Variants in NCAM1 observed in about 807,000 individuals in gnomAD.
NCAM1 encodes the protein neural cell adhesion molecule 1, also known as antigen recognized by monoclonal antibody 5.1H11.
A neutral mutation model predicts 109.8 loss-of-function variants in NCAM1; 14 were observed. That is an observed-to-expected ratio of 0.13 (90% CI 0.08 to 0.20). The LOEUF is 0.20. Ranked by LOEUF, NCAM1 falls within the 10% of genes least tolerant of loss-of-function variation. NCAM1 has a pLI of 1.00. For missense variants in NCAM1, 774 were observed against 1,109.9 expected (o/e 0.70, Z 4.30); for synonymous variants, 418 against 442.9 (o/e 0.94, Z 0.70).
chr11:113,004,832 T>A (rs1468962813), intron 1 of NCAM1, among the ~76,000 whole-genome samples: 1 of 151,782 alleles, frequency 6.6e-6, no homozygotes, highest in Non-Finnish European at 1.5e-5. Flanking sequence ...GATTTTTTTT[T>A]TTCTGTCTCT....
rs782410994 is a variant in NCAM1, at chr11:113,275,369, G to A, written c.2559G>A (p.Glu853=). The A allele has an allele frequency of 5.6e-5, 90 of 1,612,962 alleles. No homozygotes were observed. The Middle Eastern group carries it at 8.2e-4, about 15-fold the overall frequency. ...TVPNDATQTK[E]NESKA ...CCAATGACGCCACACAGACAAAGGA[G>A]AACGAGAGCAAAGCATGATGGGTGA... The change falls in exon 20 of 20, where the codon GAG becomes GAA. Residue 853 remains glutamate, a synonymous_variant. Coordinates refer to ENST00000316851, the MANE Select transcript of NCAM1 (RefSeq NM_181351.5).
At chr11:113,249,465 C>T (rs1945595578) in intron 15 of NCAM1, among the ~76,000 whole-genome samples, 1 of 150,778 alleles carries the variant, frequency 6.6e-6, no homozygotes, top group African/African-American at 2.5e-5. Flanking sequence ...CTGCTGCTGG[C>T]CTTGGAAACT....
chr11:113,191,767 GTGTGTGTA>G (rs1565489500), intron 1 of NCAM1, among the ~76,000 whole-genome samples: 3 of 110,968 alleles, frequency 2.7e-5, no homozygotes, highest in Admixed American at 1.2e-4. Context: ...GTGTGTGTGT[GTGTGTGTA>G]TATATATATA....
chr11:113,153,342 C>A (rs1301203521), intron 1 of NCAM1, among the ~76,000 whole-genome samples: 1 of 151,908 alleles, frequency 6.6e-6, no homozygotes, highest in South Asian at 2.1e-4. Context: ...CGGTCAGCAG[C>A]AATGTCTGTG....
intron 1 of NCAM1, among the ~76,000 whole-genome samples, chr11:112,971,252 GTCTC>G (rs145671050): frequency 6.0e-5 from 9 of 148,936 alleles, no homozygotes; most frequent in African/African-American, 9.8e-5. Context: ...CTCTGTCTCT[GTCTC>G]TCTCTCTCTC....
chr11:113,225,357 T>C (rs905437851), intron 9 of NCAM1, among the ~76,000 whole-genome samples: 4 of 151,910 alleles, frequency 2.6e-5, no homozygotes, highest in Non-Finnish European at 5.9e-5. Flanking sequence ...ATGAATGAAA[T>C]GAAGTGAGAA....
chr11:113,225,217 C>G (rs1391404269), intron 9 of NCAM1, among the ~76,000 whole-genome samples: 1 of 152,124 alleles, frequency 6.6e-6, no homozygotes, highest in Non-Finnish European at 1.5e-5. Flanking sequence ...ACTAGAATAA[C>G]TAATACACAG....
At chr11:112,981,606 CTT>C (rs1951156381) in intron 1 of NCAM1, among the ~76,000 whole-genome samples, 2 of 151,894 alleles carry the variant, frequency 1.3e-5, no homozygotes, top group African/African-American at 4.8e-5. Flanking sequence ...TACTAGTGGT[CTT>C]GAGCTAACTG....
At chr11:113,193,657 AAAAG>A (rs1943761777) in intron 1 of NCAM1, among the ~76,000 whole-genome samples, 1 of 151,460 alleles carries the variant, frequency 6.6e-6, no homozygotes, top group African/African-American at 2.5e-5. Flanking sequence ...GAAAGGAAGA[AAAAG>A]AAAAAAAGAA....
At chr11:113,088,037 T>C (rs1939167768) in intron 1 of NCAM1, among the ~76,000 whole-genome samples, 1 of 152,238 alleles carries the variant, frequency 6.6e-6, no homozygotes, top group Admixed American at 6.5e-5. Context: ...AGTGGTAGCG[T>C]CATTCTAATG....
At chr11:113,256,731 C>G (rs559118948) in intron 16 of NCAM1, among the ~76,000 whole-genome samples, 2 of 152,334 alleles carry the variant, frequency 1.3e-5, no homozygotes, top group South Asian at 4.1e-4. Flanking sequence ...ATCACAACCC[C>G]CACACTGAAA....
chr11:113,051,466 T>C (rs948230407), intron 1 of NCAM1, among the ~76,000 whole-genome samples: 1 of 152,154 alleles, frequency 6.6e-6, no homozygotes, highest in East Asian at 1.9e-4. Context: ...ACATATTTAT[T>C]GTAGAAAATT....
At chr11:113,098,178 A>G (rs1565434826) in intron 1 of NCAM1, among the ~76,000 whole-genome samples, 3 of 152,176 alleles carry the variant, frequency 2.0e-5, no homozygotes, top group Admixed American at 2.0e-4. Context: ...ACTTGGTCTC[A>G]TGGAACTTCA....
chr11:113,085,287 T>C (rs1403867088), intron 1 of NCAM1, among the ~76,000 whole-genome samples: 1 of 152,236 alleles, frequency 6.6e-6, no homozygotes, highest in Admixed American at 6.5e-5. Context: ...ATTGTTTTAG[T>C]ACTAATTCCA....
intron 1 of NCAM1, among the ~76,000 whole-genome samples, chr11:113,018,011 T>A (rs528712822): frequency 2.6e-5 from 4 of 152,298 alleles, no homozygotes; most frequent in African/African-American, 9.6e-5. Flanking sequence ...CTACTGTTAG[T>A]TCCAACTGTA....
intron 1 of NCAM1, among the ~76,000 whole-genome samples, chr11:113,108,178 A>G (rs1460346511): frequency 6.6e-6 from 1 of 152,176 alleles, no homozygotes. Flanking sequence ...TAGTGTATGC[A>G]TAACTTTTAA....
chr11:113,106,963 A>G (rs1375763702), intron 1 of NCAM1, among the ~76,000 whole-genome samples: 2 of 152,226 alleles, frequency 1.3e-5, no homozygotes, highest in African/African-American at 4.8e-5. Flanking sequence ...AAGTGATGGA[A>G]TTGGAATCGG....
At chr11:113,216,218 G>C (rs930367272) in intron 8 of NCAM1, among the ~76,000 whole-genome samples, 1 of 143,104 alleles carries the variant, frequency 7.0e-6, no homozygotes, top group Non-Finnish European at 1.5e-5. Flanking sequence ...GCGCGATCTC[G>C]GCTCACTGCA....
intron 1 of NCAM1, among the ~76,000 whole-genome samples, chr11:112,966,963 T>C (rs1169709079): frequency 2.0e-5 from 3 of 152,248 alleles, no homozygotes; most frequent in South Asian, 4.1e-4. Flanking sequence ...CTTGTGTATG[T>C]GTGCTTTTGA....
Sources: allele counts gnomAD v4.1 joint callset (sites outside exome capture counted in the v4.1 genomes callset), GRCh38; gene constraint gnomAD v4.1.1; transcripts MANE v1.5; gene names NCBI Gene and HGNC (gene_info 2026-07-23, HGNC 2026-07-21).